STXBP5L: variants seen among roughly 807,000 people sequenced by gnomAD.
STXBP5L encodes syntaxin binding protein 5L.
A neutral mutation model predicts 144.5 loss-of-function variants in STXBP5L; 65 were observed. The ratio of observed to expected loss-of-function variants is 0.45; its 90% CI spans 0.37 to 0.55. STXBP5L has a LOEUF of 0.55. Ranked by LOEUF, STXBP5L falls within the 20% of genes least tolerant of loss-of-function variation. The probability of loss-of-function intolerance (pLI) is 0.00; values close to 1 mark genes in which losing one functional copy is unlikely to be tolerated. For missense variants in STXBP5L, 1,298 were observed against 1,405.5 expected, an observed-to-expected ratio of 0.92 and a Z score of 1.22; for synonymous variants, 505 against 469.6, an observed-to-expected ratio of 1.08 and a Z score of -0.97.
At chr3:120,955,651 A>G (rs1002255580) in intron 3 of STXBP5L, among the ~76,000 whole-genome samples, 3 of 151,972 alleles carry the variant, frequency 2.0e-5, no homozygotes, top group African/African-American at 7.2e-5. Flanking sequence ...ATATTCTTTC[A>G]CCTACTTTGC....
intron 22 of STXBP5L, among the ~76,000 whole-genome samples, chr3:121,389,520 T>A (rs545720198): frequency 3.9e-4 from 60 of 152,316 alleles, no homozygotes; most frequent in African/African-American, 1.2e-3. Context: ...TTGTGGGCAT[T>A]TAGTGCTATA....
intron 3 of STXBP5L, among the ~76,000 whole-genome samples, chr3:120,971,886 A>C (rs913290336): frequency 6.6e-6 from 1 of 151,866 alleles, no homozygotes; most frequent in Non-Finnish European, 1.5e-5. Context: ...ACACACACAG[A>C]AGTGTATATG....
Position 121,050,297 on chromosome 3 carries a change from G to A in STXBP5L, c.470+4762G>A, listed in dbSNP as rs79205800. On this transcript the variant is annotated intron_variant, in intron 5 of 26. Coordinates refer to ENST00000471454, the MANE Select transcript of STXBP5L (RefSeq NM_001308330.2). ...ATATTTTAGAAATTTGTTGAAACTA[G>A]ATAGGACTTATTTCTTTAGTCCTAA... Among the ~76,000 whole-genome samples, 87 of 152,120 alleles carry A rather than the reference G, an allele frequency of 5.7e-4. No homozygotes were observed. In the East Asian group the frequency reaches 0.017, roughly 29 times the overall value.
intron 9 of STXBP5L, among the ~76,000 whole-genome samples, chr3:121,201,103 G>T (rs1401454151): frequency 1.3e-5 from 2 of 151,982 alleles, no homozygotes; most frequent in East Asian, 3.9e-4. Flanking sequence ...TCCCACTATT[G>T]CTATGCAGGA....
chr3:121,237,608 C>T (rs1217111631), intron 12 of STXBP5L, among the ~76,000 whole-genome samples: 1 of 152,240 alleles, frequency 6.6e-6, no homozygotes, highest in Non-Finnish European at 1.5e-5. Context: ...TTTACTACCA[C>T]ATGGCCAGGC....
chr3:121,289,374 C>G (rs1189012710), intron 19 of STXBP5L, among the ~76,000 whole-genome samples: 2 of 152,090 alleles, frequency 1.3e-5, no homozygotes, highest in South Asian at 2.1e-4. Context: ...TTATATGCAT[C>G]TAACACAGGA....
chr3:120,987,133 C>T (rs1320040045), intron 3 of STXBP5L, among the ~76,000 whole-genome samples: 3 of 151,984 alleles, frequency 2.0e-5, no homozygotes, highest in African/African-American at 7.2e-5. Flanking sequence ...ACATTATAAT[C>T]AGACTTTAAA....
chr3:120,950,782 T>C (rs998121024), intron 2 of STXBP5L, among the ~76,000 whole-genome samples: 1 of 152,256 alleles, frequency 6.6e-6, no homozygotes, highest in East Asian at 1.9e-4. Context: ...AATGATTTTC[T>C]TCACAGAATT....
intron 5 of STXBP5L, among the ~76,000 whole-genome samples, chr3:121,067,849 T>C (rs1455486898): frequency 2.6e-5 from 4 of 152,200 alleles, no homozygotes; most frequent in Non-Finnish European, 5.9e-5. Flanking sequence ...TATCTCTTTC[T>C]CTGTAGTAAT....
At chr3:120,990,113 C>T (rs1021564257) in intron 3 of STXBP5L, among the ~76,000 whole-genome samples, 5 of 152,182 alleles carry the variant, frequency 3.3e-5, no homozygotes, top group African/African-American at 1.2e-4. Flanking sequence ...AGCAAAGTCT[C>T]AGGATACAAA....
chr3:121,385,167 GA>G (rs2046400220), intron 22 of STXBP5L, among the ~76,000 whole-genome samples: 1 of 152,088 alleles, frequency 6.6e-6, no homozygotes, highest in Non-Finnish European at 1.5e-5. Flanking sequence ...GAATACCTGA[GA>G]TTGGGCAACT....
rs559883578 is a variant in STXBP5L at position 121,043,057 on chromosome 3, C to A, written c.369+1276C>A. ...GTCTGATCCTTTGAGACTTGTCTTC[C>A]AGGTCCTAAGTTTGCCCCTGTGGTA... On this transcript the variant is annotated intron_variant, in intron 4 of 26. Transcript: ENST00000471454. 2.0e-5 allele frequency among the ~76,000 whole-genome samples: 3 copies of A among 151,776 alleles called. No individual in the cohort carries two copies. In the East Asian group the frequency reaches 5.8e-4, roughly 29 times the overall value.
At position 121,007,273 on chromosome 3, in the gene STXBP5L, T is replaced by G. The variant is rs68118245; in HGVS notation, c.288-34427T>G. 5.3e-5 allele frequency among the ~76,000 whole-genome samples: 8 copies of G among 152,150 alleles called. No individual in the cohort carries two copies. The South Asian group carries it at 1.7e-3, about 32-fold the overall frequency. On this transcript the variant is annotated intron_variant, in intron 3 of 26. Transcript: ENST00000471454. ...GATACATTATCTATCTTATATATTG[T>G]TCTTTTTGATCACTGAGGATTTTGT...
intron 5 of STXBP5L, among the ~76,000 whole-genome samples, chr3:121,057,587 T>C (rs1469691242): frequency 6.6e-6 from 1 of 152,052 alleles, no homozygotes; most frequent in East Asian, 1.9e-4. Context: ...TATATAGTTC[T>C]TTGCTTTTGG....
chr3:121,137,484 A>C (rs2045313672), intron 7 of STXBP5L, among the ~76,000 whole-genome samples: 1 of 152,186 alleles, frequency 6.6e-6, no homozygotes, highest in African/African-American at 2.4e-5. Flanking sequence ...CATAATAAAA[A>C]AGAAAACTAC....
At chr3:121,080,000 G>A (rs2042183863) in intron 5 of STXBP5L, among the ~76,000 whole-genome samples, 1 of 152,078 alleles carries the variant, frequency 6.6e-6, no homozygotes, top group African/African-American at 2.4e-5. Context: ...ATATTTGGGA[G>A]CTCCAGTGTT....
At position 121,152,523 on chromosome 3, in the gene STXBP5L, A is replaced by T; in HGVS notation, c.716A>T (p.Lys239Ile). Reference sequence around the variant, plus strand: ...GGTACTGTAGTATTCTGGGACTTGAAATCTAAAAGAGCAGAACTGAGAGTT... The same window carrying T: ...GGTACTGTAGTATTCTGGGACTTGATATCTAAAAGAGCAGAACTGAGAGTT... ...ENGTVVFWDLKSKRAELRVYY... is the reference protein window; with the variant it reads ...ENGTVVFWDLISKRAELRVYY... The change falls in exon 8 of 27, where the codon AAA becomes ATA. Residue 239 changes from lysine to isoleucine, a missense_variant. Lys to Ile is a moderately radical substitution (Grantham distance 102). Coordinates refer to ENST00000471454, the MANE Select transcript of STXBP5L (RefSeq NM_001308330.2). The T allele has an allele frequency of 6.2e-7, 1 of 1,609,466 alleles. No homozygotes were observed. The highest frequency in any genetic ancestry group is 8.5e-7 in the Non-Finnish European group (1 of 1,177,960).
chr3:121,108,554 G>A (rs182513541), intron 5 of STXBP5L, among the ~76,000 whole-genome samples: 9 of 151,972 alleles, frequency 5.9e-5, no homozygotes, highest in African/African-American at 4.8e-5. Context: ...CTTGCATCCC[G>A]GGGATGAAGC....
rs187520853 is a variant in STXBP5L at position 121,069,809 on chromosome 3, A to G, written c.470+24274A>G. On this transcript the variant is annotated intron_variant, in intron 5 of 26. Coordinates refer to ENST00000471454, the MANE Select transcript of STXBP5L (RefSeq NM_001308330.2). ...TGAGGTCAAGGTTGTTTTTTCTTCT[A>G]CTATGGATGTCCAATTGCTCCAGCA... Among the ~76,000 whole-genome samples, 13 of 152,154 alleles carry G rather than the reference A, an allele frequency of 8.5e-5. No homozygotes were observed. In the East Asian group the frequency reaches 2.5e-3, roughly 29 times the overall value.
Sources: gnomAD v4.1 joint callset for allele counts (sites outside exome capture counted in the v4.1 genomes callset) on GRCh38, gnomAD v4.1.1 for gene constraint, MANE v1.5 for transcripts, NCBI Gene and HGNC (gene_info 2026-07-23, HGNC 2026-07-21) for gene names.